SCN9A: variants seen among roughly 807,000 people sequenced by gnomAD.
The protein encoded by SCN9A is sodium channel protein type 9 subunit alpha.
Under a neutral mutation model 187.0 loss-of-function variants are expected in SCN9A, and 131 were observed. That is an observed-to-expected ratio of 0.70 (90% CI 0.61 to 0.81). SCN9A has a LOEUF of 0.81. Ranked by LOEUF, SCN9A falls within the 30% of genes least tolerant of loss-of-function variation. The pLI is 0.00. For synonymous variants in SCN9A, 809 were observed against 808.6 expected (o/e 1.00, Z -0.01); for missense variants, 2,252 against 2,396.6 (o/e 0.94, Z 1.26).
Position 166,322,172 on chromosome 2 carries a change from A to T in SCN9A, c.-50-10366T>A, listed in dbSNP as rs546227682. The stretch of plus-strand genomic sequence containing the variant: ...ACACTACTTAGAAAACACTTTTTTA[A>T]AAAAAATTTCATTTTATTTGAGTTT... On this transcript the variant is annotated intron_variant, in intron 1 of 26. Coordinates refer to ENST00000642356, the MANE Select transcript of SCN9A (RefSeq NM_001365536.1). Among the ~76,000 whole-genome samples the T allele has an allele frequency of 1.3e-4, 19 of 148,068 alleles. 1 individual carries two copies. Among genetic ancestry groups the T allele is most frequent in the African/African-American group, 1.9e-4 (8 of 41,236 alleles).
At chr2:166,211,550 G>A (rs1233873505) in intron 24 of SCN9A, among the ~76,000 whole-genome samples, 1 of 151,732 alleles carries the variant, frequency 6.6e-6, no homozygotes, top group Non-Finnish European at 1.5e-5. Flanking sequence ...TAATATAAAA[G>A]TTAAATGTCA....
rs991337510 is a variant in SCN9A, at chr2:166,349,937, A to G, written c.-51+25760T>C. ...TGGCGAGCCAAGATTGCGCCATTGC[A>G]CTCCAGCCTGGGCAACAAGAGTGAA... On this transcript the variant is annotated intron_variant, in intron 1 of 26. Coordinates refer to ENST00000642356, the MANE Select transcript of SCN9A (RefSeq NM_001365536.1). Among the ~76,000 whole-genome samples, 4 of 152,020 alleles carry G rather than the reference A, an allele frequency of 2.6e-5. No individual in the cohort carries two copies. The East Asian group carries it at 7.7e-4, about 29-fold the overall frequency.
At chr2:166,273,353 G>A (rs1226016968) in intron 16 of SCN9A, among the ~76,000 whole-genome samples, 1 of 152,088 alleles carries the variant, frequency 6.6e-6, no homozygotes, top group Non-Finnish European at 1.5e-5. Flanking sequence ...GAAGATAAAT[G>A]TCACTTGTTC....
chr2:166,373,314 T>C (rs967332539), intron 1 of SCN9A, among the ~76,000 whole-genome samples: 3 of 144,822 alleles, frequency 2.1e-5, no homozygotes, highest in Non-Finnish European at 4.6e-5. Flanking sequence ...TTCTTCCTCT[T>C]TTTTTTTTTT....
chr2:166,219,611 C>T (rs1355172028), intron 24 of SCN9A, among the ~76,000 whole-genome samples: 1 of 151,972 alleles, frequency 6.6e-6, no homozygotes, highest in Admixed American at 6.6e-5. Context: ...GGAAAAATAA[C>T]CAATGCATAC....
At position 166,340,575 on chromosome 2, in the gene SCN9A, TTTCTTTCTTTC is replaced by T. The variant is rs1699752326; in HGVS notation, c.-50-28780_-50-28770del. Among the ~76,000 whole-genome samples the T allele has an allele frequency of 7.7e-5, 6 of 78,154 alleles. No individual in the cohort carries two copies. In the South Asian group the frequency reaches 2.0e-3, roughly 26 times the overall value. 51.3% of individuals were successfully genotyped at this position (78,154 alleles called of 152,430 possible). A position where few individuals can be genotyped will look rare whatever the true frequency, so the allele number is the denominator to read the frequency against. The stretch of plus-strand genomic sequence containing the variant: ...CTTTCTTTCTTTCTTTCTTTCTTTC[TTTCTTTCTTTC>T]TTTCTTTCTTTCTTTCTTTTTCTTT... On this transcript the variant is annotated intron_variant, in intron 1 of 26. Coordinates refer to ENST00000642356, the MANE Select transcript of SCN9A (RefSeq NM_001365536.1).
intron 17 of SCN9A, among the ~76,000 whole-genome samples, chr2:166,265,596 G>A (rs1324071291): frequency 1.3e-5 from 2 of 151,822 alleles, no homozygotes; most frequent in Admixed American, 6.6e-5. Context: ...TGGGACTGCT[G>A]GATCATATGA....
At chr2:166,204,644 C>A in intron 24 of SCN9A, 180 bp from the exon 25 acceptor site, 1 of 384,172 alleles carries the variant, frequency 2.6e-6, no homozygotes, top group Non-Finnish European at 4.6e-6. Context: ...AAACATGGGT[C>A]TCCAAACACA....
chr2:166,362,889 C>T (rs549368350), intron 1 of SCN9A, among the ~76,000 whole-genome samples: 1 of 151,914 alleles, frequency 6.6e-6, no homozygotes, highest in Non-Finnish European at 1.5e-5. Flanking sequence ...GATGAATTGA[C>T]CTGTTCATTT....
At chr2:166,311,469 A>G in intron 2 of SCN9A, 30 bp downstream of exon 2, 1 of 1,470,044 alleles carries the variant, frequency 6.8e-7, no homozygotes, top group East Asian at 2.3e-5. Flanking sequence ...AGCCAACAGA[A>G]ACTGACCACT....
rs185813541 is a variant in SCN9A at position 166,210,198 on chromosome 2, A to G, written c.4399-5734T>C. ...TGGAAACCATCATTCTCAGCAAACT[A>G]TCGCAAGGAAAAAAACCAAACACTG... On this transcript the variant is annotated intron_variant, in intron 24 of 26. Coordinates refer to ENST00000642356, the MANE Select transcript of SCN9A (RefSeq NM_001365536.1). Among the ~76,000 whole-genome samples, 619 of 152,230 alleles carry G rather than the reference A, an allele frequency of 4.1e-3. 5 individuals carry two copies. The highest frequency in any genetic ancestry group is 0.014 in the African/African-American group (575 of 41,522).
At chr2:166,353,817 G>A (rs1010621522) in intron 1 of SCN9A, among the ~76,000 whole-genome samples, 6 of 151,996 alleles carry the variant, frequency 3.9e-5, no homozygotes, top group Admixed American at 2.0e-4. Context: ...CTTTCATCAC[G>A]CCTGTCTCCT....
At chr2:166,365,997 G>C (rs1356859191) in intron 1 of SCN9A, among the ~76,000 whole-genome samples, 1 of 152,182 alleles carries the variant, frequency 6.6e-6, no homozygotes, top group African/African-American at 2.4e-5. Flanking sequence ...TAAATGCTGA[G>C]AGGAGTGAGG....
At chr2:166,311,291 T>C (rs7577446) in intron 2 of SCN9A, among the ~76,000 whole-genome samples, 63,620 of 102,492 alleles carry the variant, frequency 0.62, 20,812 homozygotes, top group African/African-American at 0.74. Context: ...CAGAGCCAAT[T>C]TCAATGAAAA....
At chr2:166,216,228 T>A (rs986690488) in intron 24 of SCN9A, among the ~76,000 whole-genome samples, 3 of 152,038 alleles carry the variant, frequency 2.0e-5, no homozygotes, top group Non-Finnish European at 4.4e-5. Flanking sequence ...ATGGAAGGAA[T>A]GTACCTTAAC....
At chr2:166,299,455 T>A (rs977439523) in intron 7 of SCN9A, among the ~76,000 whole-genome samples, 4 of 150,958 alleles carry the variant, frequency 2.6e-5, no homozygotes, top group Non-Finnish European at 5.9e-5. Context: ...TCTTGCAGCA[T>A]GATTCTACAC....
At chr2:166,219,949 T>C (rs1361806357) in intron 24 of SCN9A, among the ~76,000 whole-genome samples, 5 of 152,072 alleles carry the variant, frequency 3.3e-5, no homozygotes, top group East Asian at 3.8e-4. Context: ...CAATTAAAAA[T>C]GAACAAATAT....
intron 7 of SCN9A, 136 bp downstream of exon 7, chr2:166,302,954 A>T (rs1698620335): frequency 2.8e-6 from 2 of 725,264 alleles, no homozygotes; most frequent in Non-Finnish European, 4.4e-6. Context: ...ACATGACCCA[A>T]ATTCACACTG....
In SCN9A at chr2:166,360,467, T is replaced by A. The variant is rs112504933; in HGVS notation, c.-51+15230A>T. 5.2e-3 allele frequency among the ~76,000 whole-genome samples: 785 copies of A among 152,230 alleles called. 9 individuals carry two copies. The highest frequency in any genetic ancestry group is 0.017 in the African/African-American group (717 of 41,548). Reference sequence around the variant, plus strand: ...TTGAGAGCACAAAATTATCACAGACTTATGGCTGCAGAACAGGTTCTATAC... The same window carrying A: ...TTGAGAGCACAAAATTATCACAGACATATGGCTGCAGAACAGGTTCTATAC... On this transcript the variant is annotated intron_variant, in intron 1 of 26. Coordinates refer to ENST00000642356, the MANE Select transcript of SCN9A (RefSeq NM_001365536.1).
Sources: allele counts gnomAD v4.1 joint callset (sites outside exome capture counted in the v4.1 genomes callset), GRCh38; gene constraint gnomAD v4.1.1; transcripts MANE v1.5; gene names NCBI Gene and HGNC (gene_info 2026-07-23, HGNC 2026-07-21).